Variants in ASPM observed in about 807,000 individuals in gnomAD.
ASPM encodes abnormal spindle-like microcephaly-associated protein.
A neutral mutation model predicts 366.4 loss-of-function variants in ASPM; 256 were observed. That is an observed-to-expected ratio of 0.70 (90% CI 0.63 to 0.77). The LOEUF is 0.77. Among genes scored for constraint, ASPM ranks in the 30% least tolerant of loss-of-function variants. The pLI is 0.00. For missense variants in ASPM, 4,146 were observed against 4,090.4 expected, an observed-to-expected ratio of 1.01 and a Z score of -0.37; for synonymous variants, 1,414 against 1,342.9, an observed-to-expected ratio of 1.05 and a Z score of -1.16.
Position 197,090,789 on chromosome 1 carries a change from A to G in ASPM, c.9636+61T>C. ...GGTAACTATGTTTTTATAGTGTTAG[A>G]TATCATGTAGATGAATTGCAAACTA... On this transcript the variant is annotated intron_variant, in intron 23 of 27. Transcript: ENST00000367409. The G allele has an allele frequency of 4.1e-6, 6 of 1,454,020 alleles. No individual in the cohort carries two copies. The South Asian group carries it at 5.7e-5, about 14-fold the overall frequency. 90.1% of individuals were successfully genotyped at this position (1,454,020 alleles called of 1,614,324 possible). A position where few individuals can be genotyped will look rare whatever the true frequency, so the allele number is the denominator to read the frequency against.
intron 24 of ASPM, 22 bp from the exon 25 acceptor site, chr1:197,090,106 C>G: frequency 6.2e-7 from 1 of 1,612,754 alleles, no homozygotes; most frequent in South Asian, 1.1e-5. Context: ...AAAAAACACA[C>G]ACACACAGGT....
At chr1:197,145,473 G>GT (rs1308168923) in intron 1 of ASPM, among the ~76,000 whole-genome samples, 17 of 151,448 alleles carry the variant, frequency 1.1e-4, no homozygotes, top group Non-Finnish European at 2.2e-4. Context: ...CTCTGAATAG[G>GT]TTTTTTTGGT....
chr1:197,091,889 T>G lies in ASPM; in HGVS notation c.9444+18A>C. 6.2e-7 allele frequency: 1 copy of G among 1,607,412 alleles called. No homozygotes were observed. Among genetic ancestry groups the G allele is most frequent in the African/African-American group, 1.3e-5 (1 of 74,808 alleles). On this transcript the variant is annotated intron_variant, in intron 22 of 27. Transcript: ENST00000367409. ...GAAAAATTATATCATATAGTTTTAC[T>G]GCAAAGAAGAAGCAAACCTGAATAC... is the stretch of plus-strand genomic sequence containing the variant.
At chr1:197,106,071 C>G (rs1026020558) in intron 17 of ASPM, among the ~76,000 whole-genome samples, 1 of 151,996 alleles carries the variant, frequency 6.6e-6, no homozygotes, top group Non-Finnish European at 1.5e-5. Context: ...AATATAGGGA[C>G]TGGGTACCTC....
At chr1:197,088,045 T>C (rs1656654487) in intron 26 of ASPM, among the ~76,000 whole-genome samples, 1 of 152,194 alleles carries the variant, frequency 6.6e-6, no homozygotes, top group Non-Finnish European at 1.5e-5. Context: ...ATGGCTGTAA[T>C]AAATTTATTT....
intron 5 of ASPM, 88 bp downstream of exon 5, chr1:197,135,008 C>T: frequency 1.1e-6 from 1 of 945,022 alleles, no homozygotes; most frequent in Non-Finnish European, 1.6e-6. Flanking sequence ...ATTATAATAA[C>T]TATGTATAAT....
chr1:197,086,332 C>T (rs563397474), intron 27 of ASPM, among the ~76,000 whole-genome samples: 8 of 151,980 alleles, frequency 5.3e-5, no homozygotes, highest in Non-Finnish European at 5.9e-5. Flanking sequence ...AATGCCATGA[C>T]GGTTCACCAA....
At position 197,143,215 on chromosome 1, in the gene ASPM, T is replaced by A; in HGVS notation, c.1037A>T (p.Asp346Val). ...TTCCAAATGCACAGGCTGTGAATTA[T>A]CTTTCATAAACATATCTGATGAAAG... Reference protein sequence around the residue: ...TCLSSDMFMKDNSQPVHLEST... With the variant: ...TCLSSDMFMKVNSQPVHLEST... Residue 346 changes from aspartate to valine, a missense_variant, in exon 3 of 28, where the codon GAT (aspartate) becomes GTT (valine). Asp to Val is a radical substitution (Grantham distance 152, BLOSUM62 -3). Around this residue, in one of 3 missense-constraint regions of ASPM, gnomAD observed 512 missense variants for 471.7 expected, o/e 1.09. Coordinates refer to ENST00000367409, the MANE Select transcript of ASPM (RefSeq NM_018136.5). 6.2e-7 allele frequency: 1 copy of A among 1,613,568 alleles called. No individual in the cohort carries two copies.
In ASPM at chr1:197,121,909, G is replaced by A. The variant is rs568471060; in HGVS notation, c.3870+6C>T. The A allele has an allele frequency of 6.2e-7, 1 of 1,604,030 alleles. No individual in the cohort carries two copies. The highest frequency in any genetic ancestry group is 2.2e-5 in the East Asian group (1 of 44,730). ...ACACTATAGTAGTTTCATATTCTAG[G>A]AGTACCTGATGGCGTTTGAGATCTG... On this transcript the variant is annotated splice_donor_region_variant and intron_variant, in intron 16 of 27. Transcript: ENST00000367409.
At position 197,090,952 on chromosome 1, in the gene ASPM, C is replaced by G; in HGVS notation, c.9534G>C (p.Leu3178=). The stretch of plus-strand genomic sequence containing the variant: ...CTGATGCAGCCCTATTTCGCTGGCT[C>G]AGACATTCTTGACCTTCATGCTCAA... ...KKIEHEGQEC[L]SQRNRAASVI... The change falls in exon 23 of 28, where the codon CTG becomes CTC. Residue 3178 remains leucine (L), a synonymous_variant. Coordinates refer to ENST00000367409, the MANE Select transcript of ASPM (RefSeq NM_018136.5). 2 of 1,613,236 alleles carry G rather than the reference C, an allele frequency of 1.2e-6. No homozygotes were observed. Among genetic ancestry groups the G allele is most frequent in the Non-Finnish European group, 1.7e-6 (2 of 1,179,488 alleles).
Position 197,146,226 on chromosome 1 carries a change from T to C in ASPM, c.212A>G (p.Asn71Ser), listed in dbSNP as rs1658773458. 1.2e-6 allele frequency: 2 copies of C among 1,613,794 alleles called. No individual in the cohort carries two copies. The highest frequency in any genetic ancestry group is 1.7e-6 in the Non-Finnish European group (2 of 1,179,996). ...GATCTTCACTTCTGCCACCTCCTCG[T>C]TAGGGTTGTCTAGGGCCAGAGACAG... ...RTLSLALDNP[N>S]EEVAEVKISH... The change falls in exon 1 of 28, where the codon AAC becomes AGC. Residue 71 changes from asparagine (N) to serine (S), a missense_variant. Around this residue, in one of 3 missense-constraint regions of ASPM, gnomAD observed 512 missense variants for 471.7 expected, o/e 1.09. Transcript: ENST00000367409.
At chr1:197,127,272 T>A (rs1257108960) in intron 10 of ASPM, among the ~76,000 whole-genome samples, 2 of 152,224 alleles carry the variant, frequency 1.3e-5, no homozygotes, top group African/African-American at 4.8e-5. Context: ...ACATGAAGAC[T>A]GCCTGCAATT....
intron 13 of ASPM, among the ~76,000 whole-genome samples, 177 bp downstream of exon 13, chr1:197,123,929 CAATT>C (rs1248554115): frequency 1.3e-5 from 2 of 152,012 alleles, no homozygotes; most frequent in African/African-American, 4.8e-5. Context: ...ATGTATCACA[CAATT>C]GGTGATAGAT....
At chr1:197,144,457 T>C (rs1658704433) in intron 1 of ASPM, among the ~76,000 whole-genome samples, 1 of 152,186 alleles carries the variant, frequency 6.6e-6, no homozygotes, top group South Asian at 2.1e-4. Flanking sequence ...GACCCTGCAT[T>C]ATGAAGACTT....
At chr1:197,098,094 AAAG>A (rs934005153) in intron 18 of ASPM, among the ~76,000 whole-genome samples, 1 of 150,862 alleles carries the variant, frequency 6.6e-6, no homozygotes, top group Non-Finnish European at 1.5e-5. Flanking sequence ...GTTAAGAGGG[AAAG>A]AAGACAGCTA....
chr1:197,087,070 A>C, intron 26 of ASPM, 98 bp from the exon 27 acceptor site: 1 of 1,194,120 alleles, frequency 8.4e-7, no homozygotes. Context: ...CTATGCAGTA[A>C]ACCTTTTTTT....
chr1:197,100,125 A>G lies in ASPM; in HGVS notation c.8820+306T>C, dbSNP rs116334886. ...CTTAGCTTATATTTTCCACTTAAAG[A>G]AATAACTTTGCCAAATACAGGACTC... On this transcript the variant is annotated intron_variant, in intron 18 of 27. Coordinates refer to ENST00000367409, the MANE Select transcript of ASPM (RefSeq NM_018136.5). Among the ~76,000 whole-genome samples, 1,062 of 151,834 alleles carry G rather than the reference A, an allele frequency of 7.0e-3. 10 individuals are homozygous for G. Among genetic ancestry groups the G allele is most frequent in the African/African-American group, 0.023 (963 of 41,484 alleles).
rs751737285 is a variant in ASPM at position 197,104,364 on chromosome 1, G to A, written c.4887C>T (p.Tyr1629=). Residue 1629 remains tyrosine, a synonymous_variant, in exon 18 of 28, where the codon TAC becomes TAT. Transcript: ENST00000367409. ...CAATGACAGCAGAGCGTGTTTTCTGGTAAGATGCTAGAACTTTCATGGCAA... is the reference window on the plus strand; with the variant it reads ...CAATGACAGCAGAGCGTGTTTTCTGATAAGATGCTAGAACTTTCATGGCAA... ...YIFAMKVLAS[Y]QKTRSAVIVL... is the part of the protein sequence containing the mutation. 1 of 1,613,062 alleles carries A rather than the reference G, an allele frequency of 6.2e-7. No individual in the cohort carries two copies. The highest frequency in any genetic ancestry group is 8.5e-7 in the Non-Finnish European group (1 of 1,179,404).
rs774920721 is a variant in ASPM at position 197,146,253 on chromosome 1, G to C, written c.185C>G (p.Thr62Arg). 2 of 1,614,118 alleles carry C rather than the reference G, an allele frequency of 1.2e-6. No individual in the cohort carries two copies. The highest frequency in any genetic ancestry group is 1.7e-6 in the Non-Finnish European group (2 of 1,180,014). ...AGGGTTGTCTAGGGCCAGAGACAGCGTCCGTGAGGCTCCCAGGAGAACGTC... is the reference window on the plus strand; with the variant it reads ...AGGGTTGTCTAGGGCCAGAGACAGCCTCCGTGAGGCTCCCAGGAGAACGTC... ...FGDVLLGASR[T>R]LSLALDNPNE... is the part of the protein sequence containing the mutation. Residue 62 changes from threonine (T) to arginine (R), a missense_variant, in exon 1 of 28, where the codon ACG (threonine) becomes AGG (arginine). Transcript: ENST00000367409.
Sources: allele counts gnomAD v4.1 joint callset (sites outside exome capture counted in the v4.1 genomes callset), GRCh38; gene constraint gnomAD v4.1.1; regional missense constraint gnomAD v4.1.1; transcripts MANE v1.5; gene names NCBI Gene and HGNC (gene_info 2026-07-23, HGNC 2026-07-21).